Variants in ADCY5 observed in about 807,000 individuals in gnomAD.
ADCY5 encodes adenylate cyclase type 5.
ADCY5 carries 30 observed loss-of-function variants against 119.7 expected under a neutral mutation model. That is an observed-to-expected ratio of 0.25 (90% CI 0.19 to 0.34). The LOEUF (loss-of-function observed/expected upper bound fraction) is 0.34. Among genes scored for constraint, ADCY5 ranks in the 10% least tolerant of loss-of-function variants. The pLI, the probability that ADCY5 is intolerant of heterozygous loss-of-function variation, is 1.00. For synonymous variants in ADCY5, 753 were observed against 762.2 expected (o/e 0.99, Z 0.20); for missense variants, 1,324 against 1,775.2 (o/e 0.75, Z 4.57).
intron 3 of ADCY5, among the ~76,000 whole-genome samples, chr3:123,345,348 G>T (rs1419132097): frequency 1.3e-5 from 2 of 152,248 alleles, no homozygotes; most frequent in Non-Finnish European, 2.9e-5. Flanking sequence ...CTGTGCTGGA[G>T]GTGCTAGACT....
chr3:123,353,603 G>A (rs561946719), intron 1 of ADCY5, among the ~76,000 whole-genome samples: 6 of 152,274 alleles, frequency 3.9e-5, no homozygotes, highest in South Asian at 4.2e-4. Context: ...TGGGTCAGCC[G>A]CTGCACCTTC....
intron 12 of ADCY5, among the ~76,000 whole-genome samples, chr3:123,312,821 T>C (rs1940657488): frequency 6.6e-6 from 1 of 152,240 alleles, no homozygotes; most frequent in African/African-American, 2.4e-5. Flanking sequence ...TTGGGTTGTT[T>C]CTGCTTTGTG....
At chr3:123,366,013 G>C (rs550515886) in intron 1 of ADCY5, among the ~76,000 whole-genome samples, 15 of 152,288 alleles carry the variant, frequency 9.8e-5, no homozygotes, top group Non-Finnish European at 2.1e-4. Flanking sequence ...CTGGTCTGAA[G>C]TGAGGGGTGT....
At chr3:123,373,580 T>C (rs1943710471) in intron 1 of ADCY5, among the ~76,000 whole-genome samples, 1 of 152,226 alleles carries the variant, frequency 6.6e-6, no homozygotes, top group Non-Finnish European at 1.5e-5. Context: ...ACAGAGGTCC[T>C]TGACAAAGGA....
chr3:123,312,086 T>C (rs1371820887), intron 12 of ADCY5, among the ~76,000 whole-genome samples: 1 of 152,154 alleles, frequency 6.6e-6, no homozygotes. Context: ...GGGCCCATCC[T>C]TCCCCTCCTC....
chr3:123,410,687 G>A (rs1399244448), intron 1 of ADCY5, among the ~76,000 whole-genome samples: 4 of 151,778 alleles, frequency 2.6e-5, no homozygotes, highest in Non-Finnish European at 2.9e-5. Flanking sequence ...TAGCTCTGTC[G>A]CCCAGGCTGG....
chr3:123,327,602 C>T lies in ADCY5; in HGVS notation c.1947+16G>A, dbSNP rs373947771. Reference sequence around the variant, plus strand: ...GGAAGGGAGCCCCTCAGCCCCCCGGCCCCCAGCCCACAGACCCGCTTCTGG... The same window carrying T: ...GGAAGGGAGCCCCTCAGCCCCCCGGTCCCCAGCCCACAGACCCGCTTCTGG... On this transcript the variant is annotated intron_variant, in intron 7 of 20. Coordinates refer to ENST00000462833, the MANE Select transcript of ADCY5 (RefSeq NM_183357.3). 94 of 1,608,034 alleles carry T rather than the reference C, an allele frequency of 5.8e-5. No homozygotes were observed. The highest frequency in any genetic ancestry group is 7.9e-5 in the Non-Finnish European group (93 of 1,176,488).
intron 3 of ADCY5, among the ~76,000 whole-genome samples, chr3:123,347,523 C>T (rs1463984125): frequency 6.6e-6 from 1 of 152,148 alleles, no homozygotes; most frequent in Non-Finnish European, 1.5e-5. Context: ...TTCCTCCTTT[C>T]TCCTCCTCCT....
At chr3:123,371,257 A>G (rs1406362426) in intron 1 of ADCY5, among the ~76,000 whole-genome samples, 1 of 152,238 alleles carries the variant, frequency 6.6e-6, no homozygotes, top group Admixed American at 6.5e-5. Flanking sequence ...ACTTAACCTT[A>G]GTAAACCTCA....
At position 123,352,223 on chromosome 3, in the gene ADCY5, T is replaced by C. The variant is rs1377602357; in HGVS notation, c.1284+209A>G. Among the ~76,000 whole-genome samples the C allele has an allele frequency of 3.3e-5, 5 of 152,110 alleles. No homozygotes were observed. In the East Asian group the frequency reaches 9.6e-4, roughly 29 times the overall value. ...GCCACATGGCTATGGGCACCAGGCC[T>C]TGGGCACGGGCTGGGTAGAACTCAC... On this transcript the variant is annotated intron_variant, in intron 2 of 20. Coordinates refer to ENST00000462833, the MANE Select transcript of ADCY5 (RefSeq NM_183357.3). This position sits in a 1 kb window ranked among gnomAD's most constrained non-coding sequence, Gnocchi z 4.8.
rs555567379 is a variant in ADCY5, at chr3:123,412,925, C to T, written c.1134+34487G>A. Among the ~76,000 whole-genome samples the T allele has an allele frequency of 1.3e-4, 20 of 152,312 alleles. No individual in the cohort carries two copies. In the South Asian group the frequency reaches 2.1e-3, roughly 16 times the overall value. ...ACAGCTGGTGACGGCGTCCCTCTCCCGGCACAGATGCCCAGCACAGCCTGA... is the reference window on the plus strand; with the variant it reads ...ACAGCTGGTGACGGCGTCCCTCTCCTGGCACAGATGCCCAGCACAGCCTGA... On this transcript the variant is annotated intron_variant, in intron 1 of 20. Coordinates refer to ENST00000462833, the MANE Select transcript of ADCY5 (RefSeq NM_183357.3).
Position 123,401,688 on chromosome 3 carries a change from C to G in ADCY5, c.1134+45724G>C, listed in dbSNP as rs550666175. Reference sequence around the variant, plus strand: ...TCCCTCCTGAGTCCTAATCTCCCTCCCTGGTCAGCATTCTTCATGGCAGGA... The same window carrying G: ...TCCCTCCTGAGTCCTAATCTCCCTCGCTGGTCAGCATTCTTCATGGCAGGA... On this transcript the variant is annotated intron_variant, in intron 1 of 20. Coordinates refer to ENST00000462833, the MANE Select transcript of ADCY5 (RefSeq NM_183357.3). Among the ~76,000 whole-genome samples, 40 of 152,232 alleles carry G rather than the reference C, an allele frequency of 2.6e-4. 2 individuals carry two copies. In the South Asian group the frequency reaches 8.3e-3, roughly 32 times the overall value.
At chr3:123,323,013 G>A (rs145260403) in intron 8 of ADCY5, among the ~76,000 whole-genome samples, 56 of 152,310 alleles carry the variant, frequency 3.7e-4, no homozygotes, top group African/African-American at 1.3e-3. Context: ...AGGCACGTTA[G>A]CATGGAAAGC....
chr3:123,319,570 C>T, intron 10 of ADCY5, 104 bp downstream of exon 10: 4 of 1,425,858 alleles, frequency 2.8e-6, no homozygotes, highest in Non-Finnish European at 3.8e-6. Context: ...GAGGCCACCC[C>T]TTCCGTGGTG....
intron 8 of ADCY5, among the ~76,000 whole-genome samples, chr3:123,323,551 A>C (rs1941329853): frequency 2.1e-5 from 3 of 145,154 alleles, no homozygotes; most frequent in Non-Finnish European, 3.0e-5. Flanking sequence ...TCCCTGCCCT[A>C]CTCCCCAGCT....
intron 1 of ADCY5, among the ~76,000 whole-genome samples, chr3:123,396,732 AG>A (rs1345382282): frequency 1.4e-4 from 1 of 6,918 alleles, no homozygotes; most frequent in African/African-American, 3.4e-4. Flanking sequence ...GGAGGGAGGA[AG>A]GAAGGAAGGA....
At chr3:123,398,606 A>T (rs554450512) in intron 1 of ADCY5, among the ~76,000 whole-genome samples, 57 of 152,228 alleles carry the variant, frequency 3.7e-4, no homozygotes, top group Non-Finnish European at 6.9e-4. Flanking sequence ...AGCTTATCAG[A>T]TCAAATCTAA....
intron 1 of ADCY5, among the ~76,000 whole-genome samples, chr3:123,354,327 T>A (rs113512896): frequency 0.012 from 1,839 of 152,204 alleles, 26 homozygotes; most frequent in African/African-American, 0.04. Flanking sequence ...GGGAGACGGG[T>A]CCAGATGCTG....
intron 1 of ADCY5, among the ~76,000 whole-genome samples, chr3:123,403,714 T>C (rs1193034846): frequency 1.3e-5 from 2 of 152,200 alleles, no homozygotes; most frequent in Admixed American, 1.3e-4. Context: ...CCCTGCTGTC[T>C]AGGAAATTAA....
Sources: allele counts gnomAD v4.1 joint callset (sites outside exome capture counted in the v4.1 genomes callset), GRCh38; gene constraint gnomAD v4.1.1; non-coding constraint Gnocchi (gnomAD v3.1); transcripts MANE v1.5; gene names NCBI Gene and HGNC (gene_info 2026-07-23, HGNC 2026-07-21).